Variants in SLC1A6 observed in about 807,000 individuals in gnomAD.
SLC1A6 encodes solute carrier family 1 member 6, also known as excitatory amino acid transporter 4.
In SLC1A6, 15 loss-of-function variants were observed where a neutral mutation model predicts 42.1. That is an observed-to-expected ratio of 0.36 (90% CI 0.24 to 0.55). SLC1A6 has a LOEUF of 0.55. Ranked by LOEUF, SLC1A6 falls within the 20% of genes least tolerant of loss-of-function variation. The probability of loss-of-function intolerance (pLI) is 0.88; values close to 1 mark genes in which losing one functional copy is unlikely to be tolerated. For missense variants in SLC1A6, 542 were observed against 772.5 expected (o/e 0.70, Z 3.54); for synonymous variants, 317 against 319.7 (o/e 0.99, Z 0.09).
At chr19:14,993,479 A>C (rs1423563363) in intron 1 of SLC1A6, among the ~76,000 whole-genome samples, 1 of 152,058 alleles carries the variant, frequency 6.6e-6, no homozygotes, top group Non-Finnish European at 1.5e-5. Flanking sequence ...TCTCCTTCTC[A>C]TTCCTGGCTA....
At chr19:15,000,049 A>T (rs1439235846) in intron 1 of SLC1A6, among the ~76,000 whole-genome samples, 1 of 117,146 alleles carries the variant, frequency 8.5e-6, no homozygotes, top group Non-Finnish European at 1.6e-5. Flanking sequence ...TCCTGTGTCC[A>T]TGTGGGAATT....
chr19:14,997,946 CT>C (rs1009864383), intron 1 of SLC1A6, among the ~76,000 whole-genome samples: 9 of 150,132 alleles, frequency 6.0e-5, no homozygotes, highest in African/African-American at 2.0e-4. Context: ...ATCTTCATGT[CT>C]TTTTTTTTAA....
rs751022650 is a variant in SLC1A6 at position 14,950,174 on chromosome 19, G to C, written c.*21C>G. 6.7e-6 allele frequency: 10 copies of C among 1,492,366 alleles called. No homozygotes were observed. Among genetic ancestry groups the C allele is most frequent in the Admixed American group, 6.5e-5 (3 of 46,316 alleles). The allele number at this position is 1,492,366 out of a possible 1,614,324, so 92.4% of individuals were successfully genotyped here. A position where few individuals can be genotyped will look rare whatever the true frequency, so the allele number is the denominator to read the frequency against. ...CCCAGCCCCCTTCCCTCCTCTCTGG[G>C]GGGGCAGAGCTGGAGGCCCCTCACA... is the stretch of plus-strand genomic sequence containing the variant. On this transcript the variant is annotated 3_prime_UTR_variant, in exon 10 of 10. Coordinates refer to ENST00000594383, the MANE Select transcript of SLC1A6 (RefSeq NM_005071.3).
At chr19:14,975,847 A>G (rs149509693) in intron 1 of SLC1A6, among the ~76,000 whole-genome samples, 1,102 of 95,106 alleles carry the variant, frequency 0.012, 19 homozygotes, top group Non-Finnish European at 0.014. Context: ...GAAGGGGACA[A>G]AGGGAAGGGA....
chr19:14,952,286 A>T (rs1311733674), intron 9 of SLC1A6, among the ~76,000 whole-genome samples: 3 of 134,128 alleles, frequency 2.2e-5, no homozygotes, highest in Admixed American at 7.4e-5. Context: ...AAAAAAAAAA[A>T]ATAACAAATC....
chr19:14,951,231 G>T (rs1477509235), intron 9 of SLC1A6, among the ~76,000 whole-genome samples: 1 of 116,292 alleles, frequency 8.6e-6, no homozygotes. Context: ...CAGCTTGGGT[G>T]ACAGAGCAAG....
At chr19:14,955,093 T>A (rs1251591146) in intron 7 of SLC1A6, among the ~76,000 whole-genome samples, 1 of 152,166 alleles carries the variant, frequency 6.6e-6, no homozygotes, top group African/African-American at 2.4e-5. Flanking sequence ...TTGGGGTAAG[T>A]CTGTCCACAA....
At chr19:14,999,262 C>T (rs747253817) in intron 1 of SLC1A6, among the ~76,000 whole-genome samples, 3 of 152,106 alleles carry the variant, frequency 2.0e-5, no homozygotes, top group Non-Finnish European at 4.4e-5. Flanking sequence ...TCCACAACCC[C>T]TTATTTTAAC....
upstream of SLC1A6, among the ~76,000 whole-genome samples, chr19:14,983,949 A>G (rs554869197): frequency 1.1e-4 from 17 of 152,224 alleles, no homozygotes; most frequent in Non-Finnish European, 1.5e-4. Context: ...CCAGGTGCTT[A>G]CAGAAACTAA....
upstream of SLC1A6, chr19:14,979,945 C>T (rs916080288): frequency 3.9e-5 from 6 of 152,408 alleles, no homozygotes; most frequent in African/African-American, 1.4e-4. This position sits in a 1 kb window ranked among gnomAD's most constrained non-coding sequence, Gnocchi z 4.2. Flanking sequence ...GCCCCCGCCC[C>T]CTAAACCGCC....
At chr19:14,951,194 G>A (rs1028956150) in intron 9 of SLC1A6, among the ~76,000 whole-genome samples, 4 of 141,052 alleles carry the variant, frequency 2.8e-5, no homozygotes, top group Admixed American at 7.3e-5. Flanking sequence ...AGAGGTTGCA[G>A]TGAGCTGAGA....
At chr19:14,997,297 G>A (rs1192818413) in intron 1 of SLC1A6, among the ~76,000 whole-genome samples, 6 of 152,090 alleles carry the variant, frequency 3.9e-5, no homozygotes, top group Non-Finnish European at 5.9e-5. Context: ...TGGAACCAAT[G>A]TACTTCTTAC....
rs150916469 is a variant in SLC1A6, at chr19:14,962,289, G to A, written c.648C>T (p.Asn216=). ...VVTRTMVRTE[N]GSEPGASMPP... The stretch of plus-strand genomic sequence containing the variant: ...GCATGGAGGCACCCGGCTCAGACCC[G>A]TTCTCTGTCCTCACCATGGTCCTGG... The change falls in exon 6 of 10, where the codon AAC becomes AAT. Residue 216 remains asparagine (N), a synonymous_variant. Coordinates refer to ENST00000594383, the MANE Select transcript of SLC1A6 (RefSeq NM_005071.3). The A allele has an allele frequency of 6.5e-4, 1,049 of 1,614,096 alleles. 3 individuals are homozygous for A. The highest frequency in any genetic ancestry group is 8.2e-4 in the Non-Finnish European group (966 of 1,179,988).
intron 1 of SLC1A6, among the ~76,000 whole-genome samples, chr19:14,991,273 A>G (rs371955684): frequency 6.6e-6 from 1 of 152,098 alleles, no homozygotes; most frequent in Non-Finnish European, 1.5e-5. Context: ...GGCGATTGAA[A>G]TGTTCTGGAC....
At chr19:14,993,233 G>A (rs1192004904) in intron 1 of SLC1A6, among the ~76,000 whole-genome samples, 2 of 152,064 alleles carry the variant, frequency 1.3e-5, no homozygotes, top group Admixed American at 6.6e-5. Context: ...CCCAGCACAG[G>A]TAAATCCATA....
At chr19:14,981,621 G>C (rs145946053), upstream of SLC1A6, among the ~76,000 whole-genome samples, 1 of 152,182 alleles carries the variant, frequency 6.6e-6, no homozygotes, top group African/African-American at 2.4e-5. Context: ...GGATGTGCTA[G>C]AGGCTGGAGA....
intron 1 of SLC1A6, among the ~76,000 whole-genome samples, chr19:14,985,010 T>C (rs999848077): frequency 1.3e-5 from 2 of 152,114 alleles, no homozygotes; most frequent in African/African-American, 4.8e-5. Flanking sequence ...GCCTCCTGAG[T>C]AGCTGGGATT....
intron 1 of SLC1A6, among the ~76,000 whole-genome samples, chr19:14,994,778 T>C (rs2045837071): frequency 6.6e-6 from 1 of 152,120 alleles, no homozygotes; most frequent in Admixed American, 6.5e-5. Flanking sequence ...CCATCCTGAG[T>C]TTCTTTCTGT....
At position 14,956,490 on chromosome 19, in the gene SLC1A6, C is replaced by T. The variant is rs1482146185; in HGVS notation, c.1155G>A (p.Met385Ile). The change falls in exon 7 of 10, where the codon ATG (methionine) becomes ATA (isoleucine). Residue 385 changes from methionine (M) to isoleucine (I), a missense_variant. Met to Ile is a conservative substitution (Grantham distance 10). Coordinates refer to ENST00000594383, the MANE Select transcript of SLC1A6 (RefSeq NM_005071.3). ...GGMLQALITA[M>I]GTSSSSATLP... ...CAAGGCCATACCTGGAAGACGTGCC[C>T]ATAGCGGTGATGAGGGCTTGTAGCA... The T allele has an allele frequency of 1.9e-6, 3 of 1,586,326 alleles. No individual in the cohort carries two copies. The highest frequency in any genetic ancestry group is 2.7e-5 in the African/African-American group (2 of 74,536).
Sources: allele counts gnomAD v4.1 joint callset (sites outside exome capture counted in the v4.1 genomes callset), GRCh38; gene constraint gnomAD v4.1.1; non-coding constraint Gnocchi (gnomAD v3.1); transcripts MANE v1.5; gene names NCBI Gene and HGNC (gene_info 2026-07-23, HGNC 2026-07-21).